Variants in KCNQ5 observed in about 807,000 individuals in gnomAD.
KCNQ5 encodes the protein potassium voltage-gated channel subfamily KQT member 5.
In KCNQ5, 30 loss-of-function variants were observed where a neutral mutation model predicts 98.2. That is an observed-to-expected ratio of 0.31 (90% CI 0.23 to 0.41). The LOEUF (loss-of-function observed/expected upper bound fraction) is 0.41, where lower values mean the gene tolerates loss of function less well. KCNQ5 is among the 10% of genes least tolerant of loss of function. The pLI is 1.00. For missense variants in KCNQ5, 835 were observed against 1,182.5 expected (o/e 0.71, Z 4.31); for synonymous variants, 458 against 449.4 (o/e 1.02, Z -0.24).
intron 3 of KCNQ5, 151 bp from the exon 4 acceptor site, chr6:73,077,171 C>A: frequency 1.4e-6 from 1 of 697,580 alleles, no homozygotes; most frequent in Non-Finnish European, 2.4e-6. Flanking sequence ...GGAAATGCCA[C>A]AGAGGCCAAG....
At chr6:73,009,401 A>G (rs1769960196) in intron 2 of KCNQ5, among the ~76,000 whole-genome samples, 1 of 152,194 alleles carries the variant, frequency 6.6e-6, no homozygotes, top group African/African-American at 2.4e-5. Context: ...AGTTGTGCTA[A>G]GATTAAAAAT....
intron 11 of KCNQ5, among the ~76,000 whole-genome samples, chr6:73,179,974 A>G (rs1308196573): frequency 6.7e-6 from 1 of 150,214 alleles, no homozygotes; most frequent in African/African-American, 2.5e-5. Context: ...GCTGGCATAT[A>G]ATAGGCACTC....
chr6:73,040,862 A>T lies in KCNQ5; in HGVS notation c.490-1074A>T, dbSNP rs943590361. ...TTTTATAAATTTGGTAACAGTTTTT[A>T]TCCTGCGAGTAAGAATGGGAGAATG... On this transcript the variant is annotated intron_variant, in intron 2 of 13. Coordinates refer to ENST00000370398, the MANE Select transcript of KCNQ5 (RefSeq NM_019842.4). Among the ~76,000 whole-genome samples, 3 of 152,232 alleles carry T rather than the reference A, an allele frequency of 2.0e-5. 1 individual carries two copies. Among genetic ancestry groups the T allele is most frequent in the African/African-American group, 7.2e-5 (3 of 41,472 alleles).
intron 2 of KCNQ5, among the ~76,000 whole-genome samples, chr6:73,025,594 G>A (rs373868581): frequency 1.0e-3 from 133 of 132,604 alleles, no homozygotes; most frequent in African/African-American, 3.6e-3. Flanking sequence ...CTGTACTCCA[G>A]CCTGGGCGAC....
intron 1 of KCNQ5, among the ~76,000 whole-genome samples, chr6:72,702,743 AATTG>A (rs1768880472): frequency 2.0e-5 from 3 of 152,170 alleles, no homozygotes; most frequent in South Asian, 2.1e-4. Context: ...ACTTCATTGC[AATTG>A]ATTTAAAAAA....
At chr6:73,002,453 TC>T (rs1262194105) in intron 1 of KCNQ5, among the ~76,000 whole-genome samples, 1 of 152,212 alleles carries the variant, frequency 6.6e-6, no homozygotes, top group East Asian at 1.9e-4. Context: ...ATAATTTTAT[TC>T]CATAAATTTC....
At chr6:72,867,140 T>G (rs1454166085) in intron 1 of KCNQ5, among the ~76,000 whole-genome samples, 1 of 152,200 alleles carries the variant, frequency 6.6e-6, no homozygotes, top group Non-Finnish European at 1.5e-5. Context: ...GGAATCAGCA[T>G]TTGCTCTATG....
chr6:73,088,593 A>C (rs1056677838), intron 5 of KCNQ5, among the ~76,000 whole-genome samples: 1 of 152,122 alleles, frequency 6.6e-6, no homozygotes, highest in African/African-American at 2.4e-5. Flanking sequence ...TCACCCTGTT[A>C]CTGATTCTAA....
At chr6:72,737,741 T>C (rs1039873397) in intron 1 of KCNQ5, among the ~76,000 whole-genome samples, 7 of 152,248 alleles carry the variant, frequency 4.6e-5, no homozygotes, top group Non-Finnish European at 8.8e-5. Context: ...ATTTGTACTT[T>C]ATCATAATAC....
intron 1 of KCNQ5, among the ~76,000 whole-genome samples, chr6:72,744,028 A>G (rs1771254580): frequency 1.3e-5 from 2 of 152,274 alleles, no homozygotes; most frequent in African/African-American, 4.8e-5. Flanking sequence ...CCATGTTAGC[A>G]TGTGTTTTCA....
intron 1 of KCNQ5, among the ~76,000 whole-genome samples, chr6:72,789,799 C>T (rs1476622229): frequency 6.6e-6 from 1 of 152,158 alleles, no homozygotes; most frequent in Non-Finnish European, 1.5e-5. Context: ...CTTAGTCCCA[C>T]CTTTCTTTTC....
intron 1 of KCNQ5, among the ~76,000 whole-genome samples, chr6:72,976,004 C>A (rs1768145094): frequency 1.3e-5 from 2 of 152,140 alleles, no homozygotes; most frequent in South Asian, 4.1e-4. Context: ...TAACCAAATT[C>A]ATAATTGATT....
At chr6:73,035,932 T>C (rs989638776) in intron 2 of KCNQ5, among the ~76,000 whole-genome samples, 8 of 151,956 alleles carry the variant, frequency 5.3e-5, no homozygotes, top group Non-Finnish European at 8.8e-5. Context: ...GATAATAATA[T>C]TGATACAGCT....
At chr6:72,708,664 A>G (rs1028467443) in intron 1 of KCNQ5, among the ~76,000 whole-genome samples, 1 of 152,006 alleles carries the variant, frequency 6.6e-6, no homozygotes, top group Non-Finnish European at 1.5e-5. Flanking sequence ...TGGGACTATA[A>G]GCCCACACCA....
chr6:72,859,210 T>G lies in KCNQ5; in HGVS notation c.399-144698T>G, dbSNP rs1251410879. On this transcript the variant is annotated intron_variant, in intron 1 of 13. Transcript: ENST00000370398. Reference sequence around the variant, plus strand: ...TTGTATTATAATATTTGAAGTTTTATTATAATAGAGTTCTATAATAATAAA... The same window carrying G: ...TTGTATTATAATATTTGAAGTTTTAGTATAATAGAGTTCTATAATAATAAA... Among the ~76,000 whole-genome samples, 3 of 152,134 alleles carry G rather than the reference T, an allele frequency of 2.0e-5. No individual in the cohort carries two copies. The East Asian group carries it at 5.8e-4, about 29-fold the overall frequency.
At chr6:72,773,027 T>C (rs34244545) in intron 1 of KCNQ5, among the ~76,000 whole-genome samples, 43 of 152,158 alleles carry the variant, frequency 2.8e-4, no homozygotes, top group Non-Finnish European at 5.9e-4. Flanking sequence ...CTTATCAGTG[T>C]TGCCCCTTGT....
At chr6:72,788,043 C>G (rs566825772) in intron 1 of KCNQ5, among the ~76,000 whole-genome samples, 1 of 152,172 alleles carries the variant, frequency 6.6e-6, no homozygotes, top group African/African-American at 2.4e-5. Context: ...TCTTGGGTAT[C>G]TGCATTTCCA....
At chr6:73,153,958 G>A (rs1055950512) in intron 10 of KCNQ5, among the ~76,000 whole-genome samples, 1 of 148,566 alleles carries the variant, frequency 6.7e-6, no homozygotes, top group Admixed American at 6.7e-5. Flanking sequence ...AAAATGCATG[G>A]AAAATGCAAT....
In KCNQ5 at chr6:73,197,633, AC is replaced by A. The variant is rs1765844059; in HGVS notation, c.*2220del. 1.0e-5 allele frequency: 1 copy of A among 95,380 alleles called. No individual in the cohort carries two copies. Among genetic ancestry groups the A allele is most frequent in the Non-Finnish European group, 2.3e-5 (1 of 43,198 alleles). The allele number at this position is 95,380 out of a possible 1,614,324, so 5.9% of individuals were successfully genotyped here. A position where few individuals can be genotyped will look rare whatever the true frequency, so the allele number is the denominator to read the frequency against. ...CACACACACACACACACACACACAC[AC>A]ACACACACCCCTCCACTGACCTAAA... On this transcript the variant is annotated 3_prime_UTR_variant, in exon 14 of 14. Transcript: ENST00000370398.
Sources: gnomAD v4.1 joint callset for allele counts (sites outside exome capture counted in the v4.1 genomes callset) on GRCh38, gnomAD v4.1.1 for gene constraint, MANE v1.5 for transcripts, NCBI Gene and HGNC (gene_info 2026-07-23, HGNC 2026-07-21) for gene names.